The following TAB1 variants were observed in gnomAD, a reference collection of about 807,000 sequenced individuals.
The protein encoded by TAB1 is TGF-beta activated kinase 1 (MAP3K7) binding protein 1.
A neutral mutation model predicts 54.5 loss-of-function variants in TAB1; 30 were observed. That is an observed-to-expected ratio of 0.55 (90% CI 0.41 to 0.75). TAB1 has a LOEUF of 0.75. TAB1 is among the 30% of genes least tolerant of loss of function. TAB1 has a pLI of 0.00. For missense variants in TAB1, 609 were observed against 683.2 expected (o/e 0.89, Z 1.21); for synonymous variants, 289 against 286.9 (o/e 1.01, Z -0.07).
chr22:39,409,889 TGTCCGCA>T lies in TAB1; in HGVS notation c.34-5114_34-5108del, dbSNP rs1926537010. 2.0e-5 allele frequency among the ~76,000 whole-genome samples: 3 copies of T among 152,222 alleles called. No homozygotes were observed. In the South Asian group the frequency reaches 6.2e-4, roughly 31 times the overall value. On this transcript the variant is annotated intron_variant, in intron 1 of 10. Coordinates refer to ENST00000216160, the MANE Select transcript of TAB1 (RefSeq NM_006116.3). ...AGGAGCCTCTCTGTTTTCTCTTCTGTGTCCGCAGTACCCAGAATACTGCCAGACTGTT... is the reference window on the plus strand; with the variant it reads ...AGGAGCCTCTCTGTTTTCTCTTCTGTGTACCCAGAATACTGCCAGACTGTT...
At chr22:39,410,037 G>C (rs549158354) in intron 1 of TAB1, among the ~76,000 whole-genome samples, 2 of 152,266 alleles carry the variant, frequency 1.3e-5, no homozygotes, top group African/African-American at 4.8e-5. Flanking sequence ...GTTAAGAGAG[G>C]CATTAATTTT....
chr22:39,429,252 T>C, intron 10 of TAB1: 1 of 985,246 alleles, frequency 1.0e-6, no homozygotes, highest in Non-Finnish European at 1.2e-6. Flanking sequence ...GAGAAGAGAT[T>C]GAAGGGGAGG....
At chr22:39,407,973 G>C (rs1328401053) in intron 1 of TAB1, among the ~76,000 whole-genome samples, 1 of 152,160 alleles carries the variant, frequency 6.6e-6, no homozygotes, top group Non-Finnish European at 1.5e-5. Context: ...GCCAGCATTA[G>C]GGCTGAAGTA....
chr22:39,407,041 A>T lies in TAB1; in HGVS notation c.33+7206A>T, dbSNP rs184695525. ...TAATCTGTCAAAGGGCAAAATTCAA[A>T]ACTTTCGACAGTCTGGAAGGCTGGG... On this transcript the variant is annotated intron_variant, in intron 1 of 10. Coordinates refer to ENST00000216160, the MANE Select transcript of TAB1 (RefSeq NM_006116.3). Among the ~76,000 whole-genome samples the T allele has an allele frequency of 2.0e-5, 3 of 152,320 alleles. No homozygotes were observed. In the East Asian group the frequency reaches 5.8e-4, roughly 29 times the overall value.
downstream of TAB1, chr22:39,433,929 A>C (rs1601704915): frequency 5.3e-6 from 3 of 570,762 alleles, no homozygotes; most frequent in Admixed American, 9.1e-5. Context: ...TGGGTCACTC[A>C]CTCTCAGCCT....
rs1927591314 is a variant in TAB1, at chr22:39,431,648, A to G, written c.*1426A>G. 2.0e-6 allele frequency: 2 copies of G among 985,270 alleles called. No homozygotes were observed. Among genetic ancestry groups the G allele is most frequent in the Admixed American group, 1.2e-4 (2 of 16,262 alleles). The allele number at this position is 985,270 out of a possible 1,614,324, so 61.0% of individuals were successfully genotyped here. A position where few individuals can be genotyped will look rare whatever the true frequency, so the allele number is the denominator to read the frequency against. On this transcript the variant is annotated 3_prime_UTR_variant, in exon 11 of 11. Coordinates refer to ENST00000216160, the MANE Select transcript of TAB1 (RefSeq NM_006116.3). ...GGGAGCTGTGGGAAGCCACAGCAGA[A>G]ATGGAAGAAAAACAGGTCTCAGCCC...
In TAB1 at chr22:39,430,445, A is replaced by T; in HGVS notation, c.*223A>T. On this transcript the variant is annotated 3_prime_UTR_variant, in exon 11 of 11. Transcript: ENST00000216160. ...GGGAAGCTGAAGGCCACTTCCTCCC[A>T]GATGGCCTCAGCCAGGACCATCGCC... 1.4e-6 allele frequency: 2 copies of T among 1,419,942 alleles called. No homozygotes were observed. Among genetic ancestry groups the T allele is most frequent in the Non-Finnish European group, 1.8e-6 (2 of 1,087,554 alleles). The allele number at this position is 1,419,942 out of a possible 1,614,324, so 88.0% of individuals were successfully genotyped here.
At chr22:39,426,192 T>C (rs565726322) in intron 8 of TAB1, among the ~76,000 whole-genome samples, 8 of 152,322 alleles carry the variant, frequency 5.3e-5, no homozygotes, top group Non-Finnish European at 1.2e-4. Context: ...AGTGGGTTTG[T>C]CAGGACATAG....
chr22:39,414,381 C>T (rs950800052), intron 1 of TAB1, among the ~76,000 whole-genome samples: 1 of 152,206 alleles, frequency 6.6e-6, no homozygotes, highest in East Asian at 1.9e-4. Flanking sequence ...GTCCTATAAA[C>T]TAGCTCATAA....
At chr22:39,416,149 G>T (rs1360675031) in intron 3 of TAB1, among the ~76,000 whole-genome samples, 1 of 152,140 alleles carries the variant, frequency 6.6e-6, no homozygotes, top group Non-Finnish European at 1.5e-5. Flanking sequence ...CATGTCTCAG[G>T]CCCATTTCAG....
At position 39,425,143 on chromosome 22, in the gene TAB1, C is replaced by T. The variant is rs368254789; in HGVS notation, c.922-1560C>T. ...ATCCCAGCACTTTGGGAGGCTGAGG[C>T]GGGAAGATCACTTTAGGTCAGGAGA... On this transcript the variant is annotated intron_variant, in intron 8 of 10. Transcript: ENST00000216160. Among the ~76,000 whole-genome samples the T allele has an allele frequency of 1.9e-3, 284 of 151,168 alleles. 1 individual carries two copies. The highest frequency in any genetic ancestry group is 6.2e-3 in the African/African-American group (256 of 41,090).
At chr22:39,413,960 T>G (rs1171899480) in intron 1 of TAB1, among the ~76,000 whole-genome samples, 1 of 152,116 alleles carries the variant, frequency 6.6e-6, no homozygotes, top group Non-Finnish European at 1.5e-5. Context: ...CCTAGGGAGA[T>G]CTGGGAAATT....
At chr22:39,418,703 T>A in intron 5 of TAB1, 29 bp from the exon 6 acceptor site, 1 of 1,520,922 alleles carries the variant, frequency 6.6e-7, no homozygotes, top group Non-Finnish European at 9.1e-7. Context: ...GTGTGTAGTC[T>A]TTGCTTAGCT....
intron 1 of TAB1, among the ~76,000 whole-genome samples, chr22:39,409,541 C>G (rs1926519419): frequency 6.6e-6 from 1 of 152,230 alleles, no homozygotes; most frequent in South Asian, 2.1e-4. Flanking sequence ...AGAGGCCACA[C>G]CAGCCTTCTC....
Position 39,416,822 on chromosome 22 carries a change from A to G in TAB1, c.356A>G (p.Glu119Gly), listed in dbSNP as rs1390774489. The change falls in exon 4 of 11, where the codon GAG becomes GGG. Residue 119 changes from glutamate (E) to glycine (G), a missense_variant. Physicochemically the swap from Glu to Gly is moderately conservative, Grantham distance 98. Transcript: ENST00000216160. ...AFDVVERSFL[E>G]SIDDALAEKA... Reference sequence around the variant, plus strand: ...GATGTGGTGGAGAGGAGCTTCCTGGAGTCCATTGACGACGCCTTGGCTGAG... The same window carrying G: ...GATGTGGTGGAGAGGAGCTTCCTGGGGTCCATTGACGACGCCTTGGCTGAG... 2 of 1,614,220 alleles carry G rather than the reference A, an allele frequency of 1.2e-6. No individual in the cohort carries two copies. Among genetic ancestry groups the G allele is most frequent in the Non-Finnish European group, 1.7e-6 (2 of 1,180,024 alleles).
chr22:39,424,113 A>C (rs2145678214), intron 8 of TAB1, among the ~76,000 whole-genome samples: 1 of 151,932 alleles, frequency 6.6e-6, no homozygotes, highest in African/African-American at 2.4e-5. Context: ...GTGGTTTTCC[A>C]CTCCTGTGTT....
intron 8 of TAB1, among the ~76,000 whole-genome samples, chr22:39,424,440 T>C (rs988041118): frequency 9.9e-5 from 13 of 130,888 alleles, no homozygotes; most frequent in East Asian, 2.0e-4. Flanking sequence ...TCTGATTTCT[T>C]TTTTTTTTTT....
intron 8 of TAB1, among the ~76,000 whole-genome samples, chr22:39,423,182 G>T (rs551295038): frequency 5.3e-5 from 8 of 152,164 alleles, no homozygotes; most frequent in African/African-American, 1.7e-4. Context: ...TAGAGACAGG[G>T]TCTCACTGTA....
chr22:39,423,138 A>G (rs1927168928), intron 8 of TAB1, among the ~76,000 whole-genome samples: 1 of 151,766 alleles, frequency 6.6e-6, no homozygotes, highest in Non-Finnish European at 1.5e-5. Flanking sequence ...ACACCTGGCT[A>G]ATTTTGGTTG....
Sources: allele counts gnomAD v4.1 joint callset (sites outside exome capture counted in the v4.1 genomes callset), GRCh38; gene constraint gnomAD v4.1.1; transcripts MANE v1.5; gene names NCBI Gene and HGNC (gene_info 2026-07-23, HGNC 2026-07-21).